Variants in SUZ12 observed in about 807,000 individuals in gnomAD.
SUZ12 encodes the protein polycomb protein SUZ12.
A neutral mutation model predicts 87.3 loss-of-function variants in SUZ12; 17 were observed. That is an observed-to-expected ratio of 0.19 (90% CI 0.13 to 0.29). The LOEUF (loss-of-function observed/expected upper bound fraction) is 0.29, where lower values mean the gene tolerates loss of function less well. Ranked by LOEUF, SUZ12 falls within the 10% of genes least tolerant of loss-of-function variation. SUZ12 has a pLI of 1.00. For synonymous variants in SUZ12, 253 were observed against 312.4 expected (o/e 0.81, Z 2.01); for missense variants, 526 against 912.2 (o/e 0.58, Z 5.45).
chr17:31,995,047 G>C (rs1173011400), intron 13 of SUZ12, among the ~76,000 whole-genome samples: 1 of 152,188 alleles, frequency 6.6e-6, no homozygotes, highest in African/African-American at 2.4e-5. Flanking sequence ...AGTGAGCCGA[G>C]GTTGTGCCAT....
intron 4 of SUZ12, among the ~76,000 whole-genome samples, chr17:31,949,470 T>G (rs1906816803): frequency 6.6e-6 from 1 of 152,116 alleles, no homozygotes; most frequent in East Asian, 1.9e-4. Flanking sequence ...ATTAAGAAAG[T>G]GTGTCATTTT....
chr17:31,971,527 T>C (rs963357163), intron 5 of SUZ12, among the ~76,000 whole-genome samples: 6 of 146,860 alleles, frequency 4.1e-5, no homozygotes. Context: ...CCCCAACCCC[T>C]GGTTCAAGCA....
intron 4 of SUZ12, among the ~76,000 whole-genome samples, chr17:31,950,282 T>C (rs1284500678): frequency 6.6e-6 from 1 of 152,202 alleles, no homozygotes; most frequent in African/African-American, 2.4e-5. Flanking sequence ...AAGGTAATCT[T>C]ATTTTTCTCC....
Position 31,947,700 on chromosome 17 carries a change from C to T in SUZ12, c.455+15C>T. 6.2e-7 allele frequency: 1 copy of T among 1,603,870 alleles called. No individual in the cohort carries two copies. The highest frequency in any genetic ancestry group is 8.5e-7 in the Non-Finnish European group (1 of 1,174,374). ...GAATCTCATAGGTAAGATAATCTAT[C>T]AGTTTACATTAAGTGATATACTTTA... is the stretch of plus-strand genomic sequence containing the variant. On this transcript the variant is annotated intron_variant, in intron 4 of 15. Coordinates refer to ENST00000322652, the MANE Select transcript of SUZ12 (RefSeq NM_015355.4).
Position 31,998,936 on chromosome 17 carries a change from AAG to A in SUZ12, c.2157_2158del (p.Lys720SerfsTer6), listed in dbSNP as rs1359228840. The stretch of plus-strand genomic sequence containing the variant: ...AATGGATTTAGTGAAATTAACTCAA[AAG>A]AGAAAGCTTTGGAAACAGATAGTGT... On this transcript the variant is annotated frameshift_variant, in exon 16 of 16. Coordinates refer to ENST00000322652, the MANE Select transcript of SUZ12 (RefSeq NM_015355.4). LOFTEE classifies it high-confidence loss of function. The A allele has an allele frequency of 1.9e-6, 3 of 1,608,984 alleles. No homozygotes were observed. Among genetic ancestry groups the A allele is most frequent in the Non-Finnish European group, 2.5e-6 (3 of 1,178,772 alleles).
At chr17:31,962,661 A>T (rs1907805929) in intron 4 of SUZ12, among the ~76,000 whole-genome samples, 1 of 152,212 alleles carries the variant, frequency 6.6e-6, no homozygotes, top group Non-Finnish European at 1.5e-5. Flanking sequence ...TAGATAACAG[A>T]CCGCAGCGAG....
intron 6 of SUZ12, among the ~76,000 whole-genome samples, chr17:31,974,758 T>A (rs1016770624): frequency 1.3e-5 from 2 of 152,128 alleles, no homozygotes; most frequent in Admixed American, 6.6e-5. Flanking sequence ...AAAATAGAAA[T>A]TTTTTTAGAC....
At chr17:31,980,044 G>A (rs1016979728) in intron 8 of SUZ12, among the ~76,000 whole-genome samples, 3 of 150,158 alleles carry the variant, frequency 2.0e-5, no homozygotes, top group African/African-American at 7.4e-5. Flanking sequence ...AGAGAAACAG[G>A]CAGGCATGGT....
intron 8 of SUZ12, 82 bp downstream of exon 8, chr17:31,976,696 A>G (rs1160513315): frequency 2.1e-6 from 2 of 952,864 alleles, no homozygotes; most frequent in Non-Finnish European, 3.1e-6. Flanking sequence ...ATTTATATTG[A>G]TTATTTCATT....
intron 4 of SUZ12, among the ~76,000 whole-genome samples, chr17:31,958,059 C>G (rs1232311370): frequency 6.6e-6 from 1 of 151,796 alleles, no homozygotes; most frequent in Admixed American, 6.6e-5. Flanking sequence ...CCTGCCATCA[C>G]GCCCGGCTAA....
chr17:31,997,820 G>A (rs1231707888), intron 15 of SUZ12, among the ~76,000 whole-genome samples: 2 of 152,112 alleles, frequency 1.3e-5, no homozygotes, highest in Admixed American at 6.5e-5. Flanking sequence ...AATTACCACA[G>A]TTATTACCAC....
chr17:31,953,683 C>T (rs1380818514), intron 4 of SUZ12, among the ~76,000 whole-genome samples: 1 of 151,286 alleles, frequency 6.6e-6, no homozygotes, highest in Admixed American at 6.6e-5. Context: ...GCTGAGATTA[C>T]AGGAATGAGC....
chr17:31,966,989 G>A (rs1189883157), intron 5 of SUZ12: 2 of 151,030 alleles, frequency 1.3e-5, no homozygotes, highest in East Asian at 4.0e-4. Context: ...AGGATGTTCA[G>A]GAGTTCAGGA....
At chr17:31,953,988 A>T (rs1275155058) in intron 4 of SUZ12, among the ~76,000 whole-genome samples, 2 of 152,064 alleles carry the variant, frequency 1.3e-5, no homozygotes, top group Non-Finnish European at 2.9e-5. Flanking sequence ...CTGGGATTAC[A>T]GGTGTGAGCC....
At chr17:31,978,154 A>C (rs949776799) in intron 8 of SUZ12, among the ~76,000 whole-genome samples, 2 of 152,086 alleles carry the variant, frequency 1.3e-5, no homozygotes, top group Non-Finnish European at 2.9e-5. Flanking sequence ...CAGGTATAGG[A>C]CAAAGAACCA....
chr17:31,955,346 A>G (rs1907246266), intron 4 of SUZ12, among the ~76,000 whole-genome samples: 1 of 152,052 alleles, frequency 6.6e-6, no homozygotes, highest in East Asian at 1.9e-4. Context: ...CAATTGTGCG[A>G]TCATGACTCA....
At chr17:31,995,884 G>A (rs1909953302) in intron 14 of SUZ12, 122 bp downstream of exon 14, 8 of 762,462 alleles carry the variant, frequency 1.0e-5, no homozygotes, top group African/African-American at 1.8e-5. Flanking sequence ...AAGGAATCCG[G>A]AAATGTACAG....
chr17:31,964,095 C>T (rs1403592406), intron 4 of SUZ12, among the ~76,000 whole-genome samples: 6 of 151,648 alleles, frequency 4.0e-5, no homozygotes, highest in African/African-American at 1.5e-4. Flanking sequence ...GGTGCAATCT[C>T]GGCTGACTGC....
At chr17:31,939,152 T>C (rs1443574021) in intron 1 of SUZ12, among the ~76,000 whole-genome samples, 12 of 152,210 alleles carry the variant, frequency 7.9e-5, no homozygotes, top group Admixed American at 7.2e-4. Flanking sequence ...AACCTGTCAA[T>C]TGTGTAAAAA....
Sources: gnomAD v4.1 joint callset for allele counts (sites outside exome capture counted in the v4.1 genomes callset) on GRCh38, gnomAD v4.1.1 for gene constraint, MANE v1.5 for transcripts, NCBI Gene and HGNC (gene_info 2026-07-23, HGNC 2026-07-21) for gene names.